CSMD1: variants seen among roughly 807,000 people sequenced by gnomAD.
CSMD1 encodes CUB and sushi domain-containing protein 1.
In CSMD1, 213 loss-of-function variants were observed where a neutral mutation model predicts 417.5. That is an observed-to-expected ratio of 0.51 (90% confidence interval 0.46 to 0.57). The LOEUF (loss-of-function observed/expected upper bound fraction) is 0.57. Ranked by LOEUF, CSMD1 falls within the 20% of genes least tolerant of loss-of-function variation. The pLI is 0.00. For missense variants in CSMD1, 6,923 were observed against 4,529.7 expected (o/e 1.53, Z -15.17); for synonymous variants, 2,862 against 1,736.8 (o/e 1.65, Z -16.11).
intron 5 of CSMD1, among the ~76,000 whole-genome samples, chr8:3,945,912 G>A (rs551090998): frequency 8.5e-5 from 13 of 152,200 alleles, no homozygotes; most frequent in African/African-American, 1.2e-4. Context: ...CACTCAAGAC[G>A]TGGCTCCAAC....
chr8:3,365,015 A>G (rs17065935), intron 20 of CSMD1, among the ~76,000 whole-genome samples: 11,738 of 152,220 alleles, frequency 0.077, 601 homozygotes, highest in East Asian at 0.22. Flanking sequence ...CGTCACTGCC[A>G]TTTTCTTTTT....
intron 1 of CSMD1, among the ~76,000 whole-genome samples, chr8:4,917,377 G>A (rs1806134840): frequency 6.6e-6 from 1 of 152,202 alleles, no homozygotes; most frequent in South Asian, 2.1e-4. Flanking sequence ...GCTCACGCCT[G>A]TAACCCCAGC....
intron 10 of CSMD1, among the ~76,000 whole-genome samples, chr8:3,543,806 G>A (rs1218407795): frequency 6.6e-6 from 1 of 152,186 alleles, no homozygotes; most frequent in East Asian, 1.9e-4. Flanking sequence ...TGAGTTCAGA[G>A]TCTGAATAGG....
At chr8:4,013,864 A>G (rs1429536979) in intron 4 of CSMD1, among the ~76,000 whole-genome samples, 3 of 152,178 alleles carry the variant, frequency 2.0e-5, no homozygotes, top group Non-Finnish European at 4.4e-5. Context: ...AAGGGTAGCT[A>G]AAACAGAGAT....
At chr8:3,723,561 A>T (rs1212845800) in intron 6 of CSMD1, among the ~76,000 whole-genome samples, 1 of 152,192 alleles carries the variant, frequency 6.6e-6, no homozygotes, top group Non-Finnish European at 1.5e-5. Flanking sequence ...ATTGTTACCT[A>T]AACAATTATT....
chr8:4,866,687 A>G (rs2116895367), intron 1 of CSMD1, among the ~76,000 whole-genome samples: 1 of 152,106 alleles, frequency 6.6e-6, no homozygotes, highest in South Asian at 2.1e-4. Context: ...CAATGAAATA[A>G]ATAAAAAATA....
intron 1 of CSMD1, among the ~76,000 whole-genome samples, chr8:4,828,930 C>A (rs748096936): frequency 3.9e-5 from 6 of 152,106 alleles, no homozygotes; most frequent in African/African-American, 1.4e-4. Context: ...GGTTAATTAA[C>A]CATCCCCAAA....
intron 1 of CSMD1, among the ~76,000 whole-genome samples, chr8:4,679,833 G>A (rs1170208497): frequency 6.6e-6 from 1 of 151,990 alleles, no homozygotes; most frequent in Non-Finnish European, 1.5e-5. Context: ...ATTTAAATAT[G>A]TAATAGATTA....
chr8:3,738,082 C>T (rs908400367), intron 6 of CSMD1, among the ~76,000 whole-genome samples: 2 of 152,190 alleles, frequency 1.3e-5, no homozygotes, highest in African/African-American at 4.8e-5. Context: ...TTACTATAGT[C>T]TCTTTCCATT....
intron 50 of CSMD1, among the ~76,000 whole-genome samples, chr8:3,038,173 T>C (rs1456264959): frequency 2.0e-5 from 3 of 152,194 alleles, no homozygotes; most frequent in African/African-American, 4.8e-5. Flanking sequence ...AAACCAGCCA[T>C]GGAATCTGAT....
At chr8:4,833,605 G>A (rs1363393944) in intron 1 of CSMD1, among the ~76,000 whole-genome samples, 1 of 152,196 alleles carries the variant, frequency 6.6e-6, no homozygotes, top group African/African-American at 2.4e-5. Context: ...ATTTTTGAAA[G>A]CAAGGACTTT....
chr8:4,717,254 T>A (rs955694084), intron 1 of CSMD1, among the ~76,000 whole-genome samples: 3 of 149,984 alleles, frequency 2.0e-5, no homozygotes, highest in African/African-American at 7.4e-5. Flanking sequence ...AATGGCAGGA[T>A]GAAAATAGGG....
At chr8:3,414,086 C>A (rs1293122013) in intron 12 of CSMD1, among the ~76,000 whole-genome samples, 1 of 149,792 alleles carries the variant, frequency 6.7e-6, no homozygotes, top group East Asian at 2.0e-4. Flanking sequence ...TTGCAGTGAG[C>A]CAAGATCGCG....
chr8:3,379,278 C>A (rs887506995), intron 18 of CSMD1, among the ~76,000 whole-genome samples: 8 of 152,152 alleles, frequency 5.3e-5, no homozygotes, highest in Non-Finnish European at 1.0e-4. Context: ...ACATTCCATG[C>A]TCATGGATAG....
intron 1 of CSMD1, among the ~76,000 whole-genome samples, chr8:4,645,002 T>C (rs896692085): frequency 1.3e-5 from 2 of 152,184 alleles, no homozygotes; most frequent in African/African-American, 4.8e-5. Flanking sequence ...GAAAGAACTA[T>C]AAATCTATAT....
In CSMD1 at chr8:3,967,457, G is replaced by GA. The variant is rs10560472; in HGVS notation, c.818+30445dup. Among the ~76,000 whole-genome samples the GA allele has an allele frequency of 7.8e-3, 1,167 of 149,454 alleles. 18 individuals are homozygous for GA. Among genetic ancestry groups the GA allele is most frequent in the African/African-American group, 0.023 (962 of 40,970 alleles). ...CCTCATTCAGGATCTTTGCTAAAAGGAAAAAAAAAAAAACAGATGGAAAGT... is the reference window on the plus strand; with the variant it reads ...CCTCATTCAGGATCTTTGCTAAAAGGAAAAAAAAAAAAAACAGATGGAAAGT... On this transcript the variant is annotated intron_variant, in intron 5 of 69. Coordinates refer to ENST00000635120, the MANE Select transcript of CSMD1 (RefSeq NM_033225.6).
At chr8:4,409,801 A>G (rs563918251) in intron 3 of CSMD1, among the ~76,000 whole-genome samples, 68 of 152,174 alleles carry the variant, frequency 4.5e-4, no homozygotes, top group African/African-American at 1.5e-3. Flanking sequence ...GGAAGAAATA[A>G]CAATACCGTA....
At chr8:4,001,645 T>C (rs980987178) in intron 4 of CSMD1, among the ~76,000 whole-genome samples, 10 of 152,134 alleles carry the variant, frequency 6.6e-5, no homozygotes, top group African/African-American at 2.4e-4. Context: ...GAGTCTAAGA[T>C]CTTAGACACT....
chr8:3,697,104 T>C (rs1800595930), intron 7 of CSMD1, among the ~76,000 whole-genome samples: 1 of 152,172 alleles, frequency 6.6e-6, no homozygotes, highest in Admixed American at 6.6e-5. Flanking sequence ...CCAATATTGC[T>C]AGGTCATCAA....
Sources: gnomAD v4.1 joint callset for allele counts (sites outside exome capture counted in the v4.1 genomes callset) on GRCh38, gnomAD v4.1.1 for gene constraint, MANE v1.5 for transcripts, NCBI Gene and HGNC (gene_info 2026-07-23, HGNC 2026-07-21) for gene names.